Variants in CCDC3 observed in about 807,000 individuals in gnomAD.
CCDC3 encodes coiled-coil domain containing 3.
In CCDC3, 24 loss-of-function variants were observed where a neutral mutation model predicts 21.4. That is an observed-to-expected ratio of 1.12 (90% CI 0.81 to 1.58). The LOEUF (loss-of-function observed/expected upper bound fraction) is 1.58. Among genes scored for constraint, CCDC3 ranks in the 40% most tolerant of loss-of-function variants. The pLI, the probability that CCDC3 is intolerant of heterozygous loss-of-function variation, is 0.00. For synonymous variants in CCDC3, 186 were observed against 166.0 expected, an observed-to-expected ratio of 1.12 and a Z score of -0.93; for missense variants, 425 against 360.9, an observed-to-expected ratio of 1.18 and a Z score of -1.44.
intron 2 of CCDC3, among the ~76,000 whole-genome samples, chr10:12,926,824 T>C (rs1414289607): frequency 6.6e-6 from 1 of 152,182 alleles, no homozygotes; most frequent in African/African-American, 2.4e-5. Context: ...CAACATTAAG[T>C]ATTACTAGAG....
intron 2 of CCDC3, among the ~76,000 whole-genome samples, chr10:12,994,827 T>C (rs1835735199): frequency 6.6e-6 from 1 of 152,102 alleles, no homozygotes; most frequent in Non-Finnish European, 1.5e-5. Flanking sequence ...ACGCCTGTAA[T>C]CCCAGCACTT....
intron 5 of CCDC3, among the ~76,000 whole-genome samples, chr10:13,034,995 C>T (rs1836359912): frequency 1.3e-5 from 2 of 150,226 alleles, no homozygotes; most frequent in Admixed American, 6.7e-5. Flanking sequence ...CATTACACTC[C>T]AGTCTGGGCG....
chr10:13,017,112 C>T (rs1289909678), intron 5 of CCDC3, among the ~76,000 whole-genome samples: 4 of 152,016 alleles, frequency 2.6e-5, no homozygotes, highest in Non-Finnish European at 5.9e-5. Context: ...GTGCTGGTGT[C>T]CTCGCTCTAC....
intron 2 of CCDC3, among the ~76,000 whole-genome samples, chr10:12,941,504 A>C (rs1834830837): frequency 6.6e-6 from 1 of 152,180 alleles, no homozygotes; most frequent in South Asian, 2.1e-4. Flanking sequence ...GGTGGGCTTC[A>C]GAGGGCTATG....
chr10:13,001,035 G>C (rs1279011236), intron 1 of CCDC3, among the ~76,000 whole-genome samples, 162 bp downstream of exon 1: 1 of 152,174 alleles, frequency 6.6e-6, no homozygotes, highest in African/African-American at 2.4e-5. Context: ...ACGTCAGACG[G>C]AGCAAGAAAG....
intron 4 of CCDC3, among the ~76,000 whole-genome samples, chr10:13,054,857 C>T (rs1866622): frequency 0.24 from 36,383 of 152,074 alleles, 4,476 homozygotes; most frequent in Admixed American, 0.27. Context: ...AGTAGAGATG[C>T]GGTTTCACCA....
chr10:13,001,172 G>A, intron 1 of CCDC3, 25 bp downstream of exon 1: 1 of 1,542,222 alleles, frequency 6.5e-7, no homozygotes, highest in Non-Finnish European at 8.8e-7. Flanking sequence ...AGAGAGAGAG[G>A]TGGCGGCGGC....
intron 3 of CCDC3, among the ~76,000 whole-genome samples, chr10:13,083,525 C>T (rs571003768): frequency 6.6e-6 from 1 of 152,228 alleles, no homozygotes; most frequent in Non-Finnish European, 1.5e-5. Context: ...TAAGCCCTAT[C>T]CTATGTAGCT....
At chr10:13,032,176 G>C (rs1013157951) in intron 5 of CCDC3, among the ~76,000 whole-genome samples, 114 of 53,004 alleles carry the variant, frequency 2.2e-3, no homozygotes, top group Non-Finnish European at 2.5e-3. Context: ...GGGATGCAAG[G>C]CTGGTTGAAA....
chr10:13,002,470 C>T (rs1367387633), upstream of CCDC3, among the ~76,000 whole-genome samples: 1 of 152,144 alleles, frequency 6.6e-6, no homozygotes, highest in African/African-American at 2.4e-5. Flanking sequence ...TCACTGCAGC[C>T]TCGACCTCCC....
intron 5 of CCDC3, among the ~76,000 whole-genome samples, chr10:13,022,573 T>C (rs1015082872): frequency 1.2e-4 from 18 of 152,202 alleles, no homozygotes; most frequent in South Asian, 2.1e-4. Context: ...GTAATGGCCA[T>C]TTTTAATTTA....
chr10:13,047,986 A>C (rs1363487486), intron 5 of CCDC3, among the ~76,000 whole-genome samples: 1 of 152,176 alleles, frequency 6.6e-6, no homozygotes, highest in Non-Finnish European at 1.5e-5. Context: ...CACATGACTG[A>C]ATCCACACGT....
intron 2 of CCDC3, among the ~76,000 whole-genome samples, chr10:12,982,364 G>T (rs1347214974): frequency 6.6e-6 from 1 of 151,942 alleles, no homozygotes; most frequent in East Asian, 1.9e-4. Context: ...GCTGGGGAAA[G>T]GGCAACAAAA....
At chr10:13,016,189 C>T (rs558684143) in intron 5 of CCDC3, among the ~76,000 whole-genome samples, 3 of 152,000 alleles carry the variant, frequency 2.0e-5, no homozygotes, top group South Asian at 2.1e-4. Flanking sequence ...CAGTGGCAAC[C>T]GAGTTACCTC....
At chr10:13,027,840 A>T (rs1245717757) in intron 5 of CCDC3, among the ~76,000 whole-genome samples, 1 of 152,162 alleles carries the variant, frequency 6.6e-6, no homozygotes, top group Admixed American at 6.5e-5. Flanking sequence ...CTAAAACAAT[A>T]GTTGAGAGAG....
chr10:12,916,248 A>G (rs759742412), intron 2 of CCDC3, among the ~76,000 whole-genome samples: 14 of 152,074 alleles, frequency 9.2e-5, no homozygotes, highest in Non-Finnish European at 1.6e-4. Context: ...CCTGGCCAAC[A>G]TGGTGAAACC....
At chr10:13,076,412 A>G (rs1270657596) in intron 3 of CCDC3, among the ~76,000 whole-genome samples, 1 of 152,242 alleles carries the variant, frequency 6.6e-6, no homozygotes, top group Non-Finnish European at 1.5e-5. Context: ...TGGCTAAGGA[A>G]ACAGATTGAT....
intron 2 of CCDC3, among the ~76,000 whole-genome samples, chr10:12,977,100 C>G (rs1835428670): frequency 6.6e-6 from 1 of 152,052 alleles, no homozygotes; most frequent in Admixed American, 6.6e-5. Flanking sequence ...ATGGTGAAAC[C>G]CCATCTCTAC....
In CCDC3 at chr10:13,001,285, C is replaced by T. The variant is rs999738659; in HGVS notation, c.286G>A (p.Gly96Ser). ...AGGCCGGTGAGGTTGAGCCTGGAGC[C>T]GGCGGGCACCTCCAGCATGCTGCCC... ...AWGSMLEVPA[G>S]SRLNLTGLGY... Residue 96 changes from glycine to serine, a missense_variant, in exon 1 of 3, where the codon GGC becomes AGC. Transcript: ENST00000378825. 1.9e-6 allele frequency: 3 copies of T among 1,604,302 alleles called. No homozygotes were observed. The highest frequency in any genetic ancestry group is 2.7e-5 in the African/African-American group (2 of 74,850).
Sources: gnomAD v4.1 joint callset for allele counts (sites outside exome capture counted in the v4.1 genomes callset) on GRCh38, gnomAD v4.1.1 for gene constraint, MANE v1.5 for transcripts, NCBI Gene and HGNC (gene_info 2026-07-23, HGNC 2026-07-21) for gene names.